RFX4: variants seen among roughly 807,000 people sequenced by gnomAD.
RFX4 encodes regulatory factor X4.
In RFX4, 10 loss-of-function variants were observed where a neutral mutation model predicts 95.0. That is an observed-to-expected ratio of 0.11 (90% CI 0.06 to 0.18). The LOEUF is 0.18. Ranked by LOEUF, RFX4 falls within the 10% of genes least tolerant of loss-of-function variation. The probability of loss-of-function intolerance (pLI) is 1.00; values close to 1 mark genes in which losing one functional copy is unlikely to be tolerated. For synonymous variants in RFX4, 321 were observed against 340.7 expected, an observed-to-expected ratio of 0.94 and a Z score of 0.64; for missense variants, 640 against 922.0, an observed-to-expected ratio of 0.69 and a Z score of 3.96.
chr12:106,656,076 G>C (rs2040951674), intron 4 of RFX4, among the ~76,000 whole-genome samples: 1 of 152,036 alleles, frequency 6.6e-6, no homozygotes, highest in African/African-American at 2.4e-5. Context: ...CCTGATCTAG[G>C]TAAAATCAGT....
chr12:106,613,980 A>G (rs908859919), intron 2 of RFX4, among the ~76,000 whole-genome samples: 1 of 152,144 alleles, frequency 6.6e-6, no homozygotes. Context: ...CCCACTATCA[A>G]TTTATAAGTT....
At position 106,720,660 on chromosome 12, in the gene RFX4, T is replaced by C; in HGVS notation, c.1234-99T>C. ...CCTTGGCCTCCCAAAGTGCTGGGAT[T>C]ACAGGCGTGAGCCACTTCAACCGGC... On this transcript the variant is annotated intron_variant, in intron 12 of 17. Coordinates refer to ENST00000392842, the MANE Select transcript of RFX4 (RefSeq NM_213594.3). This position sits in a 1 kb window ranked among gnomAD's most constrained non-coding sequence, Gnocchi z 4.2. 8.5e-7 allele frequency: 1 copy of C among 1,177,808 alleles called. No individual in the cohort carries two copies. Among genetic ancestry groups the C allele is most frequent in the Non-Finnish European group, 1.3e-6 (1 of 792,968 alleles). 73.0% of individuals were successfully genotyped at this position (1,177,808 alleles called of 1,614,324 possible). A position where few individuals can be genotyped will look rare whatever the true frequency, so the allele number is the denominator to read the frequency against.
rs1426589309 is a variant in RFX4 at position 106,762,684 on chromosome 12, A to ATCTT, written c.*1217_*1220dup. ...TTTCAGCAACTGTTCTGTAAATAAA[A>ATCTT]TCTTTGATCACACCACTCAGTGTGA... is the stretch of plus-strand genomic sequence containing the variant. On this transcript the variant is annotated 3_prime_UTR_variant, in exon 18 of 18. Coordinates refer to ENST00000392842, the MANE Select transcript of RFX4 (RefSeq NM_213594.3). The ATCTT allele has an allele frequency of 6.6e-6, 1 of 152,602 alleles. No individual in the cohort carries two copies. The highest frequency in any genetic ancestry group is 1.5e-5 in the Non-Finnish European group (1 of 68,032). 9.5% of individuals were successfully genotyped at this position (152,602 alleles called of 1,614,324 possible). A position where few individuals can be genotyped will look rare whatever the true frequency, so the allele number is the denominator to read the frequency against.
Position 106,670,035 on chromosome 12 carries a change from C to T in RFX4, c.316-11958C>T, listed in dbSNP as rs540059527. Among the ~76,000 whole-genome samples the T allele has an allele frequency of 2.0e-5, 3 of 152,222 alleles. No homozygotes were observed. The South Asian group carries it at 6.2e-4, about 32-fold the overall frequency. Reference sequence around the variant, plus strand: ...ATGGAATATTGATAGCAATCAATCACCTGGAGAACTGTTGCGATAATGACT... The same window carrying T: ...ATGGAATATTGATAGCAATCAATCATCTGGAGAACTGTTGCGATAATGACT... On this transcript the variant is annotated intron_variant, in intron 4 of 17. Coordinates refer to ENST00000392842, the MANE Select transcript of RFX4 (RefSeq NM_213594.3).
chr12:106,735,266 A>C (rs1254083544), intron 15 of RFX4, among the ~76,000 whole-genome samples: 1 of 152,168 alleles, frequency 6.6e-6, no homozygotes, highest in Non-Finnish European at 1.5e-5. Flanking sequence ...AGAAATAGTA[A>C]GTATAAAAGT....
chr12:106,698,408 A>G lies in RFX4; in HGVS notation c.833+1962A>G, dbSNP rs541327561. Among the ~76,000 whole-genome samples, 4 of 152,270 alleles carry G rather than the reference A, an allele frequency of 2.6e-5. No individual in the cohort carries two copies. The East Asian group carries it at 7.7e-4, about 29-fold the overall frequency. ...ATCCTCCTGCCCCAGCCTGCGGAGTAGCTAGAACTATAGGCATGCCCCACA... is the reference window on the plus strand; with the variant it reads ...ATCCTCCTGCCCCAGCCTGCGGAGTGGCTAGAACTATAGGCATGCCCCACA... On this transcript the variant is annotated intron_variant, in intron 8 of 17. Coordinates refer to ENST00000392842, the MANE Select transcript of RFX4 (RefSeq NM_213594.3).
chr12:106,713,613 A>G (rs2042230051), intron 10 of RFX4, among the ~76,000 whole-genome samples: 1 of 152,102 alleles, frequency 6.6e-6, no homozygotes, highest in African/African-American at 2.4e-5. Flanking sequence ...CAACACAATC[A>G]CTGAAAGAGA....
chr12:106,643,004 A>T (rs1672116572), intron 3 of RFX4, among the ~76,000 whole-genome samples: 1 of 152,210 alleles, frequency 6.6e-6, no homozygotes, highest in Non-Finnish European at 1.5e-5. Context: ...AGGTTATCAC[A>T]GAGGCTTCAG....
At chr12:106,593,511 G>A (rs2039575849) in intron 1 of RFX4, among the ~76,000 whole-genome samples, 3 of 152,172 alleles carry the variant, frequency 2.0e-5, no homozygotes, top group Admixed American at 1.3e-4. Flanking sequence ...ATAATCTAAC[G>A]AGTGATTAGT....
Position 106,761,309 on chromosome 12 carries a change from C to T in RFX4, c.2048C>T (p.Thr683Met), listed in dbSNP as rs201038598. ...PRWPEVPSAN[T>M]CYTSPSVHSA... ...TGGCCAGAGGTGCCCTCAGCCAACA[C>T]GTGCTACACAAGCCCGTCTGTGCAT... is the stretch of plus-strand genomic sequence containing the variant. Residue 683 changes from threonine to methionine, a missense_variant, in exon 18 of 18, where the codon ACG (threonine) becomes ATG (methionine). Physicochemically the swap from Thr to Met is moderately conservative, Grantham distance 81 (BLOSUM62 -1). Transcript: ENST00000392842. The T allele has an allele frequency of 1.2e-4, 201 of 1,614,108 alleles. 1 individual carries two copies. Among genetic ancestry groups the T allele is most frequent in the South Asian group, 1.0e-3 (93 of 91,080 alleles).
chr12:106,623,528 C>T (rs2040228112), intron 2 of RFX4, among the ~76,000 whole-genome samples: 1 of 152,144 alleles, frequency 6.6e-6, no homozygotes, highest in South Asian at 2.1e-4. Flanking sequence ...ACTAGAAAGC[C>T]CCAAGAAGGC....
intron 1 of RFX4, among the ~76,000 whole-genome samples, chr12:106,588,639 T>C (rs1352163306): frequency 6.6e-6 from 1 of 152,156 alleles, no homozygotes; most frequent in East Asian, 1.9e-4. Flanking sequence ...TATGCTCTAT[T>C]GAGTTGGTGC....
chr12:106,759,483 A>T lies in RFX4; in HGVS notation c.1936-1714A>T, dbSNP rs563280573. Among the ~76,000 whole-genome samples, 56 of 152,286 alleles carry T rather than the reference A, an allele frequency of 3.7e-4. 1 individual carries two copies. The highest frequency in any genetic ancestry group is 6.9e-4 in the Non-Finnish European group (47 of 68,030). On this transcript the variant is annotated intron_variant, in intron 17 of 17. Transcript: ENST00000392842. ...GTTCCTAATGTTATCTGTTTAATAC[A>T]CCTGGGATCTTGTTTTTTGGGACAG...
chr12:106,755,416 A>G (rs1232921257), intron 17 of RFX4, among the ~76,000 whole-genome samples: 1 of 152,170 alleles, frequency 6.6e-6, no homozygotes, highest in African/African-American at 2.4e-5. Flanking sequence ...GTTTTTAAAG[A>G]TAAGTAGACT....
chr12:106,590,077 A>G (rs986491741), intron 1 of RFX4, among the ~76,000 whole-genome samples: 7 of 152,260 alleles, frequency 4.6e-5, no homozygotes, highest in African/African-American at 1.4e-4. Context: ...TAATTTCAGT[A>G]AGTGATTAGC....
chr12:106,645,095 C>T (rs1187212880), intron 3 of RFX4, among the ~76,000 whole-genome samples: 1 of 151,852 alleles, frequency 6.6e-6, no homozygotes, highest in Non-Finnish European at 1.5e-5. Context: ...AGCAGCCAAG[C>T]AGCCTAAAAT....
At chr12:106,585,625 AG>A (rs1237536637) in intron 1 of RFX4, 1 of 152,202 alleles carries the variant, frequency 6.6e-6, no homozygotes, top group East Asian at 1.9e-4. Flanking sequence ...TGTTATGTAA[AG>A]GGTCTTTTCT....
At chr12:106,583,460 C>T in intron 1 of RFX4, 97 bp downstream of exon 1, 2 of 1,220,518 alleles carry the variant, frequency 1.6e-6, no homozygotes, top group Non-Finnish European at 2.2e-6. Context: ...TCAGACGGGT[C>T]AACTTGACAG....
At chr12:106,621,118 C>T (rs533476958) in intron 2 of RFX4, among the ~76,000 whole-genome samples, 34 of 152,288 alleles carry the variant, frequency 2.2e-4, no homozygotes, top group Non-Finnish European at 4.0e-4. Flanking sequence ...ACACAGTTAT[C>T]ACAGTGGTCC....
Sources: gnomAD v4.1 joint callset for allele counts (sites outside exome capture counted in the v4.1 genomes callset) on GRCh38, gnomAD v4.1.1 for gene constraint, Gnocchi (gnomAD v3.1) non-coding constraint, MANE v1.5 for transcripts, NCBI Gene and HGNC (gene_info 2026-07-23, HGNC 2026-07-21) for gene names.